The following TNFRSF8 variants were observed in gnomAD, a reference collection of about 807,000 sequenced individuals.
The protein encoded by TNFRSF8 is TNF receptor superfamily member 8.
In TNFRSF8, 26 loss-of-function variants were observed where a neutral mutation model predicts 70.8. The ratio of observed to expected loss-of-function variants is 0.37; its 90% CI spans 0.27 to 0.51. TNFRSF8 has a LOEUF of 0.51. TNFRSF8 is among the 20% of genes least tolerant of loss of function. TNFRSF8 has a pLI of 0.94. For synonymous variants in TNFRSF8, 356 were observed against 339.2 expected, an observed-to-expected ratio of 1.05 and a Z score of -0.54; for missense variants, 720 against 807.9, an observed-to-expected ratio of 0.89 and a Z score of 1.32.
intron 12 of TNFRSF8, among the ~76,000 whole-genome samples, chr1:12,129,841 T>G (rs1461897936): frequency 6.6e-6 from 1 of 152,226 alleles, no homozygotes; most frequent in Non-Finnish European, 1.5e-5. Flanking sequence ...TTACTAAGTC[T>G]TTAGGGGCGT....
chr1:12,132,609 T>C (rs1272433664), intron 12 of TNFRSF8, among the ~76,000 whole-genome samples: 1 of 152,028 alleles, frequency 6.6e-6, no homozygotes, highest in Non-Finnish European at 1.5e-5. Flanking sequence ...AGGCCAAGCC[T>C]GGCAGATCAC....
chr1:12,123,867 GCTTCCTCC>G, intron 10 of TNFRSF8, 40 bp downstream of exon 10: 1 of 1,500,986 alleles, frequency 6.7e-7, no homozygotes, highest in Non-Finnish European at 9.1e-7. Context: ...CCCAGCAGGG[GCTTCCTCC>G]TGGGGAAGTG....
At chr1:12,125,315 G>T (rs1169480739) in intron 10 of TNFRSF8, among the ~76,000 whole-genome samples, 3 of 152,182 alleles carry the variant, frequency 2.0e-5, no homozygotes, top group African/African-American at 2.4e-5. Flanking sequence ...CAGTCCCCCC[G>T]GCCTGGCCTG....
chr1:12,099,139 C>T (rs1641376999), intron 3 of TNFRSF8, among the ~76,000 whole-genome samples: 1 of 151,820 alleles, frequency 6.6e-6, no homozygotes, highest in African/African-American at 2.4e-5. Context: ...TGTCTGTTGC[C>T]TATATTTTTG....
chr1:12,117,522 C>T (rs1641754994), intron 8 of TNFRSF8, among the ~76,000 whole-genome samples: 2 of 152,112 alleles, frequency 1.3e-5, no homozygotes. Context: ...CTAGCCACAC[C>T]CCATCACCCT....
chr1:12,096,333 C>T (rs1454154736), intron 2 of TNFRSF8, among the ~76,000 whole-genome samples: 3 of 151,774 alleles, frequency 2.0e-5, no homozygotes, highest in Non-Finnish European at 2.9e-5. Flanking sequence ...TTTCGGCTTC[C>T]CTGGGCCACA....
chr1:12,132,163 A>G (rs983939011), intron 12 of TNFRSF8, among the ~76,000 whole-genome samples: 2 of 152,192 alleles, frequency 1.3e-5, no homozygotes, highest in African/African-American at 2.4e-5. Flanking sequence ...CATGCCCCAC[A>G]CCCAGTTTCC....
At chr1:12,100,960 A>T (rs908457825) in intron 3 of TNFRSF8, among the ~76,000 whole-genome samples, 2 of 145,848 alleles carry the variant, frequency 1.4e-5, no homozygotes, top group African/African-American at 5.5e-5. Context: ...CTGTCTCAAA[A>T]AAAAAAAAAA....
intron 13 of TNFRSF8, among the ~76,000 whole-genome samples, chr1:12,136,688 A>G (rs982757535): frequency 6.7e-6 from 1 of 150,042 alleles, no homozygotes; most frequent in African/African-American, 2.4e-5. Context: ...TAGCCTTCAT[A>G]TTATTATGAA....
At chr1:12,095,548 A>T (rs1013364969) in intron 2 of TNFRSF8, among the ~76,000 whole-genome samples, 2 of 152,182 alleles carry the variant, frequency 1.3e-5, no homozygotes, top group Non-Finnish European at 2.9e-5. Flanking sequence ...TCGGCCTCCC[A>T]AAGTGTTGGG....
chr1:12,077,302 G>A lies in TNFRSF8; in HGVS notation c.64-7162G>A, dbSNP rs11569802. ...GAAGATGATCCTGGATTATCAGGGC[G>A]GGCCCAATCTAATCACAGGAGTCCT... On this transcript the variant is annotated intron_variant, in intron 1 of 14. Coordinates refer to ENST00000263932, the MANE Select transcript of TNFRSF8 (RefSeq NM_001243.5). 7.9e-3 allele frequency among the ~76,000 whole-genome samples: 1,197 copies of A among 152,262 alleles called. 12 individuals carry two copies. The highest frequency in any genetic ancestry group is 0.026 in the African/African-American group (1,092 of 41,544).
rs990374072 is a variant in TNFRSF8, at chr1:12,141,067, G to T, written c.1544-1220G>T. ...CCTTCTCCTCTTGCTGCCGTTTGGC[G>T]CACTTCTCTCTTTCCTGGGGGTGTT... On this transcript the variant is annotated intron_variant, in intron 14 of 14. Coordinates refer to ENST00000263932, the MANE Select transcript of TNFRSF8 (RefSeq NM_001243.5). This position sits in a 1 kb window ranked among gnomAD's most constrained non-coding sequence, Gnocchi z 5.4. Among the ~76,000 whole-genome samples the T allele has an allele frequency of 6.6e-6, 1 of 152,238 alleles. No homozygotes were observed. Among genetic ancestry groups the T allele is most frequent in the Non-Finnish European group, 1.5e-5 (1 of 68,042 alleles).
intron 14 of TNFRSF8, among the ~76,000 whole-genome samples, chr1:12,140,874 GGGGTCTCCTCTCTCACCACCCCC>G (rs1642239665): frequency 6.7e-6 from 1 of 149,432 alleles, no homozygotes; most frequent in South Asian, 2.1e-4. Flanking sequence ...CTCCCCTCCT[GGGGTCTCCTCTCTCACCACCCCC>G]GGCCCCCATC....
chr1:12,099,082 G>A (rs1359069074), intron 3 of TNFRSF8, among the ~76,000 whole-genome samples: 1 of 152,128 alleles, frequency 6.6e-6, no homozygotes, highest in Non-Finnish European at 1.5e-5. Flanking sequence ...TTTTCAAGAA[G>A]GGCTCGTCTT....
At chr1:12,075,479 C>G (rs1640928374) in intron 1 of TNFRSF8, among the ~76,000 whole-genome samples, 1 of 152,114 alleles carries the variant, frequency 6.6e-6, no homozygotes, top group Admixed American at 6.6e-5. Context: ...ATACTCATCT[C>G]TTTTTCTGAC....
chr1:12,101,150 C>T (rs2100990903), intron 3 of TNFRSF8, among the ~76,000 whole-genome samples: 1 of 152,236 alleles, frequency 6.6e-6, no homozygotes, highest in Non-Finnish European at 1.5e-5. Context: ...ATAAGGCCGG[C>T]TTGGTGGCTG....
At chr1:12,099,584 A>G (rs1240588125) in intron 3 of TNFRSF8, among the ~76,000 whole-genome samples, 1 of 152,006 alleles carries the variant, frequency 6.6e-6, no homozygotes, top group Non-Finnish European at 1.5e-5. Context: ...CACCCAACTT[A>G]CAATTTTTTT....
At chr1:12,118,279 T>C (rs1310355138) in intron 8 of TNFRSF8, among the ~76,000 whole-genome samples, 1 of 151,228 alleles carries the variant, frequency 6.6e-6, no homozygotes, top group Non-Finnish European at 1.5e-5. Flanking sequence ...CCCGGCTAAT[T>C]TTTGTATTTT....
rs930864706 is a variant in TNFRSF8, at chr1:12,063,545, C to G, written c.-54C>G. 2 of 1,294,104 alleles carry G rather than the reference C, an allele frequency of 1.5e-6. No individual in the cohort carries two copies. Among genetic ancestry groups the G allele is most frequent in the Admixed American group, 4.1e-5 (1 of 24,482 alleles). 80.2% of individuals were successfully genotyped at this position (1,294,104 alleles called of 1,614,324 possible). ...CCGCACGTGGGCGCCGCGCGCTTCC[C>G]CCGCTTCCCAGGTGGGCGCCGGCCG... On this transcript the variant is annotated 5_prime_UTR_variant, in exon 1 of 15. Transcript: ENST00000263932. This position sits in a 1 kb window ranked among gnomAD's most constrained non-coding sequence, Gnocchi z 7.2.
Sources: allele counts gnomAD v4.1 joint callset (sites outside exome capture counted in the v4.1 genomes callset), GRCh38; gene constraint gnomAD v4.1.1; non-coding constraint Gnocchi (gnomAD v3.1); transcripts MANE v1.5; gene names NCBI Gene and HGNC (gene_info 2026-07-23, HGNC 2026-07-21).